Variants in CATSPERD observed in about 807,000 individuals in gnomAD.
The protein encoded by CATSPERD is cation channel sperm-associated auxiliary subunit delta.
A neutral mutation model predicts 98.1 loss-of-function variants in CATSPERD; 86 were observed. The observed-to-expected ratio is 0.88, with a 90% CI of 0.74 to 1.05. The LOEUF is 1.05. Among genes scored for constraint, CATSPERD ranks in the 50% least tolerant of loss-of-function variants. The pLI, the probability that CATSPERD is intolerant of heterozygous loss-of-function variation, is 0.00. For missense variants in CATSPERD, 995 were observed against 1,005.7 expected (o/e 0.99, Z 0.14); for synonymous variants, 394 against 390.2 (o/e 1.01, Z -0.12).
chr19:5,742,137 CGCGTGTGT>C (rs1290037337), intron 7 of CATSPERD, among the ~76,000 whole-genome samples: 6 of 142,500 alleles, frequency 4.2e-5, no homozygotes, highest in Non-Finnish European at 9.3e-5. Context: ...TGCGTGTGTG[CGCGTGTGT>C]ACGTGTGTGA....
At chr19:5,763,005 C>G (rs773502774) in intron 15 of CATSPERD, among the ~76,000 whole-genome samples, 2 of 126,964 alleles carry the variant, frequency 1.6e-5, no homozygotes, top group Admixed American at 8.0e-5. Flanking sequence ...TGGATAAATG[C>G]GTAGATGGAT....
At chr19:5,742,128 G>C (rs923959273) in intron 7 of CATSPERD, among the ~76,000 whole-genome samples, 1 of 148,296 alleles carries the variant, frequency 6.7e-6, no homozygotes, top group Non-Finnish European at 1.5e-5. Flanking sequence ...GTTTGTGTGT[G>C]CGTGTGTGCG....
chr19:5,727,243 T>G (rs766776520), intron 2 of CATSPERD, 25 bp from the exon 3 acceptor site: 1 of 1,557,146 alleles, frequency 6.4e-7, no homozygotes, highest in Admixed American at 1.7e-5. Flanking sequence ...TTGATATTAT[T>G]AAGATTTTGT....
intron 8 of CATSPERD, among the ~76,000 whole-genome samples, chr19:5,745,478 C>T (rs1006401690): frequency 5.9e-5 from 9 of 151,808 alleles, no homozygotes; most frequent in Non-Finnish European, 1.2e-4. Flanking sequence ...AAAATTAGCC[C>T]GGCACGGTGT....
chr19:5,763,378 G>A (rs1599579344), intron 16 of CATSPERD, 85 bp downstream of exon 16: 2 of 1,069,904 alleles, frequency 1.9e-6, no homozygotes, highest in African/African-American at 1.6e-5. Flanking sequence ...GCAATGAGCT[G>A]AGATAGTGCC....
Position 5,737,546 on chromosome 19 carries a change from C to CAAAA in CATSPERD, c.459+359_459+362dup, listed in dbSNP as rs35730088. Among the ~76,000 whole-genome samples the CAAAA allele has an allele frequency of 4.3e-5, 3 of 69,408 alleles. No homozygotes were observed. In the Admixed American group the frequency reaches 5.5e-4, roughly 13 times the overall value. 45.5% of individuals were successfully genotyped at this position (69,408 alleles called of 152,430 possible). On this transcript the variant is annotated intron_variant, in intron 6 of 21. Coordinates refer to ENST00000381624, the MANE Select transcript of CATSPERD (RefSeq NM_152784.4). ...GCCTGGGCAACTAGCAAGACTCTGT[C>CAAAA]AAAAAAAAAAAAAAAAAAAAAGACT... is the stretch of plus-strand genomic sequence containing the variant.
chr19:5,753,498 C>T, intron 12 of CATSPERD: 1 of 253,548 alleles, frequency 3.9e-6, no homozygotes, highest in Non-Finnish European at 8.2e-6. Context: ...GGAGGCAGAG[C>T]TTGCAGTGAG....
chr19:5,726,060 A>AT (rs796326447), intron 2 of CATSPERD, among the ~76,000 whole-genome samples: 1,595 of 143,110 alleles, frequency 0.011, 24 homozygotes, highest in African/African-American at 0.031. Context: ...TACCCTGTTA[A>AT]TTTTTTTTTT....
chr19:5,753,575 G>T, intron 12 of CATSPERD: 1 of 383,634 alleles, frequency 2.6e-6, no homozygotes. Flanking sequence ...AAAAAAAAAA[G>T]AAACAGAAAG....
At chr19:5,771,962 T>C (rs2056652588) in intron 19 of CATSPERD, 1 of 183,008 alleles carries the variant, frequency 5.5e-6, no homozygotes, top group Admixed American at 6.0e-5. Context: ...CTTTTCTTTT[T>C]TCTTTTTTTC....
intron 7 of CATSPERD, among the ~76,000 whole-genome samples, chr19:5,739,838 C>CAA (rs1186618349): frequency 5.5e-5 from 2 of 36,564 alleles, no homozygotes; most frequent in Admixed American, 2.8e-4. Flanking sequence ...GACCTCATCT[C>CAA]AAAAAAAAAA....
At chr19:5,738,530 C>T (rs2055893858) in intron 6 of CATSPERD, among the ~76,000 whole-genome samples, 2 of 152,090 alleles carry the variant, frequency 1.3e-5, no homozygotes, top group South Asian at 2.1e-4. Flanking sequence ...GAACTTGTCT[C>T]GAAACAAAAA....
At chr19:5,731,560 GTTTT>G (rs67541709) in intron 4 of CATSPERD, among the ~76,000 whole-genome samples, 26 of 75,712 alleles carry the variant, frequency 3.4e-4, no homozygotes, top group Non-Finnish European at 5.5e-4. Context: ...ACACTTAACA[GTTTT>G]TTTTTTTTTT....
chr19:5,771,373 C>T (rs1288870940), intron 19 of CATSPERD, among the ~76,000 whole-genome samples: 1 of 152,188 alleles, frequency 6.6e-6, no homozygotes, highest in Non-Finnish European at 1.5e-5. Context: ...CTCAGCCTCC[C>T]AGGTAGCTGG....
At chr19:5,755,200 C>T (rs2056301839) in intron 13 of CATSPERD, among the ~76,000 whole-genome samples, 1 of 151,952 alleles carries the variant, frequency 6.6e-6, no homozygotes, top group Non-Finnish European at 1.5e-5. Context: ...GAGCCCTGAC[C>T]CCTATGGCCT....
chr19:5,753,518 C>T lies in CATSPERD; in HGVS notation c.1165-614C>T, dbSNP rs146205745. ...CAGAGCTTGCAGTGAGCCGAGATTA[C>T]GCCACTGCACCCCAACCTGGGCGAC... On this transcript the variant is annotated intron_variant, in intron 12 of 21. Coordinates refer to ENST00000381624, the MANE Select transcript of CATSPERD (RefSeq NM_152784.4). 87 of 287,046 alleles carry T rather than the reference C, an allele frequency of 3.0e-4. 1 individual carries two copies. In the East Asian group the frequency reaches 5.6e-3, roughly 18 times the overall value. 17.8% of individuals were successfully genotyped at this position (287,046 alleles called of 1,614,324 possible).
chr19:5,734,843 T>C (rs2055811512), intron 5 of CATSPERD, among the ~76,000 whole-genome samples: 1 of 150,734 alleles, frequency 6.6e-6, no homozygotes, highest in Non-Finnish European at 1.5e-5. Flanking sequence ...GTCTTGGTGA[T>C]GGACTGGTGT....
intron 18 of CATSPERD, among the ~76,000 whole-genome samples, chr19:5,769,433 C>A (rs11881309): frequency 0.047 from 7,153 of 152,118 alleles, 548 homozygotes; most frequent in African/African-American, 0.16. Context: ...CATAGCTCTG[C>A]CGTTGTGGCC....
Position 5,720,744 on chromosome 19 carries a change from A to G in CATSPERD, c.7A>G (p.Met3Val), listed in dbSNP as rs1324668228. 1 of 1,606,704 alleles carries G rather than the reference A, an allele frequency of 6.2e-7. No homozygotes were observed. Among genetic ancestry groups the G allele is most frequent in the Non-Finnish European group, 8.5e-7 (1 of 1,179,704 alleles). ML[M>V]LMLVAAVTMW... ...GCGGCGGAAGCCCAAGTCGATGCTGATGTTGATGCTGGTGGCGGCTGTGAC... is the reference window on the plus strand; with the variant it reads ...GCGGCGGAAGCCCAAGTCGATGCTGGTGTTGATGCTGGTGGCGGCTGTGAC... Residue 3 changes from methionine to valine, a missense_variant, in exon 1 of 22, where the codon ATG becomes GTG. Physicochemically the swap from Met to Val is conservative, Grantham distance 21. Around this residue, in one of 3 missense-constraint regions of CATSPERD, gnomAD observed 228 missense variants for 209.6 expected, o/e 1.09. Transcript: ENST00000381624.
Sources: allele counts gnomAD v4.1 joint callset (sites outside exome capture counted in the v4.1 genomes callset), GRCh38; gene constraint gnomAD v4.1.1; regional missense constraint gnomAD v4.1.1; transcripts MANE v1.5; gene names NCBI Gene and HGNC (gene_info 2026-07-23, HGNC 2026-07-21).